Variants in SGPL1 observed in about 807,000 individuals in gnomAD.
SGPL1 encodes the protein sphingosine-1-phosphate lyase 1, also known as SP-lyase 1.
Under a neutral mutation model 68.9 loss-of-function variants are expected in SGPL1, and 37 were observed. The observed-to-expected ratio is 0.54, with a 90% CI of 0.41 to 0.71. SGPL1 has a LOEUF of 0.71. SGPL1 is among the 30% of genes least tolerant of loss of function. The pLI is 0.00. For missense variants in SGPL1, 551 were observed against 704.6 expected (o/e 0.78, Z 2.47); for synonymous variants, 236 against 248.5 (o/e 0.95, Z 0.47).
At chr10:70,828,308 T>TTTTA (rs1845471267) in intron 2 of SGPL1, among the ~76,000 whole-genome samples, 1 of 152,214 alleles carries the variant, frequency 6.6e-6, no homozygotes, top group African/African-American at 2.4e-5. Flanking sequence ...GTATAGGCAC[T>TTTTA]TTTATTTTAT....
intron 8 of SGPL1, among the ~76,000 whole-genome samples, chr10:70,868,682 A>G (rs2131936817): frequency 6.6e-6 from 1 of 151,516 alleles, no homozygotes; most frequent in East Asian, 2.0e-4. Flanking sequence ...AGTATATACT[A>G]CAAGCAAAAA....
chr10:70,834,794 C>G lies in SGPL1; in HGVS notation c.28-9679C>G, dbSNP rs1564619900. ...AGAACTGTTGGTCTCCTGATTTGTG[C>G]CACTGATAGTTTGGCTCTGGAAAAC... On this transcript the variant is annotated intron_variant, in intron 2 of 14. Transcript: ENST00000373202. Among the ~76,000 whole-genome samples the G allele has an allele frequency of 2.0e-5, 3 of 152,194 alleles. No homozygotes were observed. In the East Asian group the frequency reaches 5.8e-4, roughly 29 times the overall value.
intron 7 of SGPL1, among the ~76,000 whole-genome samples, chr10:70,861,722 G>T (rs1846059717): frequency 6.6e-6 from 1 of 152,210 alleles, no homozygotes; most frequent in African/African-American, 2.4e-5. Flanking sequence ...GGGCTTGGCG[G>T]GCCCCGCACT....
intron 2 of SGPL1, among the ~76,000 whole-genome samples, chr10:70,838,092 G>A (rs1683943): frequency 0.045 from 6,868 of 152,226 alleles, 185 homozygotes; most frequent in East Asian, 0.13. Flanking sequence ...TGAGTTTTAG[G>A]GGGGACATTC....
chr10:70,829,788 C>G (rs553402668), intron 2 of SGPL1, among the ~76,000 whole-genome samples: 1 of 152,302 alleles, frequency 6.6e-6, no homozygotes, highest in African/African-American at 2.4e-5. Flanking sequence ...ACATGACTCT[C>G]AGAGTCCGCA....
rs867093306 is a variant in SGPL1 at position 70,861,608 on chromosome 10, G to A, written c.615+2109G>A. 3.3e-4 allele frequency among the ~76,000 whole-genome samples: 51 copies of A among 152,362 alleles called. 1 individual carries two copies. The highest frequency in any genetic ancestry group is 1.1e-3 in the African/African-American group (46 of 41,594). ...CCCCTTTCTGGGCTGGCCAAGGTCGGAGCCGGCTCCCTCAGCTTGCAGGGA... is the reference window on the plus strand; with the variant it reads ...CCCCTTTCTGGGCTGGCCAAGGTCGAAGCCGGCTCCCTCAGCTTGCAGGGA... On this transcript the variant is annotated intron_variant, in intron 7 of 14. Coordinates refer to ENST00000373202, the MANE Select transcript of SGPL1 (RefSeq NM_003901.4).
chr10:70,818,904 C>T (rs570891445), intron 2 of SGPL1, among the ~76,000 whole-genome samples: 89 of 152,304 alleles, frequency 5.8e-4, no homozygotes, highest in African/African-American at 2.0e-3. Flanking sequence ...TCTCCCCTAT[C>T]TCCTACATCC....
chr10:70,839,346 A>ATT (rs10627063), intron 2 of SGPL1, among the ~76,000 whole-genome samples: 147,558 of 151,152 alleles, frequency 0.98, 72,139 homozygotes, highest in Middle Eastern at 1. Context: ...TGGGCAAATA[A>ATT]TTTTTTTTTC....
At position 70,840,244 on chromosome 10, in the gene SGPL1, C is replaced by T. The variant is rs10999563; in HGVS notation, c.28-4229C>T. Among the ~76,000 whole-genome samples the T allele has an allele frequency of 0.011, 1,635 of 152,134 alleles. 84 individuals are homozygous for T. In the East Asian group the frequency reaches 0.14, roughly 13 times the overall value. ...CATGCGTTCCTAGACTTCACTTAATCACAAGCATGTCTGTATGAGCGTAGT... is the reference window on the plus strand; with the variant it reads ...CATGCGTTCCTAGACTTCACTTAATTACAAGCATGTCTGTATGAGCGTAGT... On this transcript the variant is annotated intron_variant, in intron 2 of 14. Transcript: ENST00000373202.
At chr10:70,820,025 A>G (rs147315159) in intron 2 of SGPL1, among the ~76,000 whole-genome samples, 1,704 of 152,318 alleles carry the variant, frequency 0.011, 12 homozygotes, top group Non-Finnish European at 0.019. Context: ...TGCTAATGGA[A>G]TAAGTGAGCA....
chr10:70,871,432 A>G (rs1260634403), intron 10 of SGPL1, among the ~76,000 whole-genome samples: 1 of 152,196 alleles, frequency 6.6e-6, no homozygotes, highest in Non-Finnish European at 1.5e-5. Context: ...ATCTGCATGT[A>G]GGAATGTGCC....
In SGPL1 at chr10:70,873,370, G is replaced by T. The variant is rs985654475; in HGVS notation, c.1079G>T (p.Gly360Val). 3.7e-6 allele frequency: 6 copies of T among 1,614,024 alleles called. No homozygotes were observed. Among genetic ancestry groups the T allele is most frequent in the Non-Finnish European group, 5.1e-6 (6 of 1,179,860 alleles). ...DTHKYGYAPK[G>V]SSLVLYSDKK... ...CCACAGTATGGCTATGCCCCAAAAG[G>T]CTCATCATTGGTGTTGTATAGTGAC... is the stretch of plus-strand genomic sequence containing the variant. Residue 360 changes from glycine (G) to valine (V), a missense_variant, in exon 12 of 15, where the codon GGC (glycine) becomes GTC (valine). Coordinates refer to ENST00000373202, the MANE Select transcript of SGPL1 (RefSeq NM_003901.4).
At chr10:70,869,622 GC>G (rs1846252535) in intron 8 of SGPL1, among the ~76,000 whole-genome samples, 169 bp from the exon 9 acceptor site, 1 of 152,080 alleles carries the variant, frequency 6.6e-6, no homozygotes, top group Admixed American at 6.6e-5. Flanking sequence ...AAATCAGTTG[GC>G]CTCTTTTTGG....
At chr10:70,867,415 T>G (rs757412336) in intron 7 of SGPL1, among the ~76,000 whole-genome samples, 1 of 151,826 alleles carries the variant, frequency 6.6e-6, no homozygotes, top group Non-Finnish European at 1.5e-5. Flanking sequence ...ATACAAAAAT[T>G]AGGTGGGCAT....
Position 70,871,100 on chromosome 10 carries a change from C to G in SGPL1, c.863C>G (p.Pro288Arg). The G allele has an allele frequency of 1.2e-6, 2 of 1,614,010 alleles. No individual in the cohort carries two copies. Among genetic ancestry groups the G allele is most frequent in the Non-Finnish European group, 8.5e-7 (1 of 1,179,900 alleles). ...ACTGCCATGCTCGTCTGTTCTACCCCACAGTTTCCTCATGGTGTAATAGAT... is the reference window on the plus strand; with the variant it reads ...ACTGCCATGCTCGTCTGTTCTACCCGACAGTTTCCTCATGGTGTAATAGAT... Reference protein sequence around the residue: ...RNTAMLVCSTPQFPHGVIDPV... With the variant: ...RNTAMLVCSTRQFPHGVIDPV... The change falls in exon 10 of 15, where the codon CCA becomes CGA. Residue 288 changes from proline to arginine, a missense_variant. Transcript: ENST00000373202.
Position 70,835,735 on chromosome 10 carries a change from C to CAAA in SGPL1, c.28-8722_28-8720dup, listed in dbSNP as rs66962270. 5.6e-4 allele frequency among the ~76,000 whole-genome samples: 39 copies of CAAA among 70,130 alleles called. 1 individual carries two copies. Among genetic ancestry groups the CAAA allele is most frequent in the African/African-American group, 1.8e-4 (3 of 16,814 alleles). 46.0% of individuals were successfully genotyped at this position (70,130 alleles called of 152,430 possible). Reference sequence around the variant, plus strand: ...TGGGTGACAGAGCAAGACTCCGTCTCAAAAAAAAAAAAAAAAAAGAAATGC... The same window carrying CAAA: ...TGGGTGACAGAGCAAGACTCCGTCTCAAAAAAAAAAAAAAAAAAAAAGAAATGC... On this transcript the variant is annotated intron_variant, in intron 2 of 14. Coordinates refer to ENST00000373202, the MANE Select transcript of SGPL1 (RefSeq NM_003901.4).
At chr10:70,862,185 CG>C (rs1846076239) in intron 7 of SGPL1, among the ~76,000 whole-genome samples, 1 of 152,224 alleles carries the variant, frequency 6.6e-6, no homozygotes, top group Non-Finnish European at 1.5e-5. Flanking sequence ...ATACACCAAT[CG>C]GCACTCTGTA....
rs112942360 is a variant in SGPL1, at chr10:70,826,468, C to T, written c.27+9588C>T. Among the ~76,000 whole-genome samples the T allele has an allele frequency of 3.0e-3, 457 of 152,096 alleles. 2 individuals carry two copies. The highest frequency in any genetic ancestry group is 0.01 in the African/African-American group (430 of 41,466). ...TTCATTCATGAAGAGGAAGAGGAAA[C>T]GGAAAAAGAAGGGCTTGCCCTCCAT... On this transcript the variant is annotated intron_variant, in intron 2 of 14. Coordinates refer to ENST00000373202, the MANE Select transcript of SGPL1 (RefSeq NM_003901.4).
intron 7 of SGPL1, among the ~76,000 whole-genome samples, chr10:70,862,677 C>T (rs2131921551): frequency 6.6e-6 from 1 of 152,194 alleles, no homozygotes; most frequent in Non-Finnish European, 1.5e-5. Flanking sequence ...GAACGAACAA[C>T]TCCGGACGCG....
Sources: gnomAD v4.1 joint callset for allele counts (sites outside exome capture counted in the v4.1 genomes callset) on GRCh38, gnomAD v4.1.1 for gene constraint, MANE v1.5 for transcripts, NCBI Gene and HGNC (gene_info 2026-07-23, HGNC 2026-07-21) for gene names.